The following LYST variants were observed in gnomAD, a reference collection of about 807,000 sequenced individuals.
The protein encoded by LYST is lysosomal trafficking regulator, also known as lysosomal-trafficking regulator.
In LYST, 192 loss-of-function variants were observed where a neutral mutation model predicts 413.6. The ratio of observed to expected loss-of-function variants is 0.46; its 90% CI spans 0.41 to 0.52. The LOEUF is 0.52. Among genes scored for constraint, LYST ranks in the 20% least tolerant of loss-of-function variants. LYST has a pLI of 0.00. For missense variants in LYST, 3,815 were observed against 4,499.9 expected, an observed-to-expected ratio of 0.85 and a Z score of 4.35; for synonymous variants, 1,525 against 1,567.3, an observed-to-expected ratio of 0.97 and a Z score of 0.64.
chr1:235,681,673 T>C (rs1245409908), intron 48 of LYST, among the ~76,000 whole-genome samples: 3 of 152,120 alleles, frequency 2.0e-5, no homozygotes, highest in Admixed American at 2.0e-4. Context: ...CTGCCAAGAA[T>C]TGCTGTGATT....
chr1:235,801,385 TAA>T (rs200307830), intron 8 of LYST, among the ~76,000 whole-genome samples: 1 of 143,508 alleles, frequency 7.0e-6, no homozygotes, highest in African/African-American at 2.5e-5. Context: ...GACACAACTT[TAA>T]AAAAAAAAAA....
At chr1:235,798,578 T>TAAAAAAAAAA (rs71174462) in intron 10 of LYST, among the ~76,000 whole-genome samples, 8 of 81,708 alleles carry the variant, frequency 9.8e-5, no homozygotes, top group South Asian at 5.5e-4. Flanking sequence ...AACCCTGTCA[T>TAAAAAAAAAA]AAAAAAAAAA....
intron 34 of LYST, 45 bp from the exon 35 acceptor site, chr1:235,731,222 A>G (rs1664350555): frequency 6.4e-7 from 1 of 1,566,676 alleles, no homozygotes; most frequent in Admixed American, 1.7e-5. Flanking sequence ...ACCATCCAGG[A>G]CTTGTAGCTA....
chr1:235,835,747 C>A (rs1676504018), intron 1 of LYST, among the ~76,000 whole-genome samples: 1 of 152,064 alleles, frequency 6.6e-6, no homozygotes, highest in African/African-American at 2.4e-5. Flanking sequence ...ATAATGATGC[C>A]CTTAGCCCAT....
intron 39 of LYST, among the ~76,000 whole-genome samples, chr1:235,721,535 G>A (rs1663367295): frequency 6.6e-6 from 1 of 152,116 alleles, no homozygotes; most frequent in Admixed American, 6.5e-5. Flanking sequence ...GACAAGACGA[G>A]CTTTGCTAAA....
rs367834781 is a variant in LYST, at chr1:235,777,092, T to C, written c.5431A>G (p.Thr1811Ala). 3.7e-6 allele frequency: 6 copies of C among 1,613,584 alleles called. No homozygotes were observed. The highest frequency in any genetic ancestry group is 5.1e-6 in the Non-Finnish European group (6 of 1,179,664). ...GCAAAGAGAAAAACAAATATGCCAG[T>C]TCCACCAATTTCGTGCAGAATGCCT... is the stretch of plus-strand genomic sequence containing the variant. ...IQGILHEIGGTGIFVFLFARV... is the reference protein window; with the variant it reads ...IQGILHEIGGAGIFVFLFARV... Residue 1811 changes from threonine (T) to alanine (A), a missense_variant, in exon 17 of 53, where the codon ACT (threonine) becomes GCT (alanine). Thr to Ala is a moderately conservative substitution (Grantham distance 58). Transcript: ENST00000389793.
chr1:235,731,767 A>G (rs2103213017), intron 34 of LYST, among the ~76,000 whole-genome samples: 1 of 152,220 alleles, frequency 6.6e-6, no homozygotes, highest in East Asian at 1.9e-4. Context: ...CATGTCGGCC[A>G]GGCTTGTCTC....
At position 235,664,160 on chromosome 1, in the gene LYST, C is replaced by T. The variant is rs1216230548; in HGVS notation, c.11196-105G>A. 2.1e-6 allele frequency: 2 copies of T among 944,862 alleles called. No individual in the cohort carries two copies. The highest frequency in any genetic ancestry group is 3.4e-6 in the Non-Finnish European group (2 of 580,506). The allele number at this position is 944,862 out of a possible 1,614,324, so 58.5% of individuals were successfully genotyped here. On this transcript the variant is annotated intron_variant, in intron 51 of 52. Coordinates refer to ENST00000389793, the MANE Select transcript of LYST (RefSeq NM_000081.4). This position sits in a 1 kb window ranked among gnomAD's most constrained non-coding sequence, Gnocchi z 4.5. The stretch of plus-strand genomic sequence containing the variant: ...AAAAATCATGTGGAAGGAAATGTAA[C>T]AAACAATTAACAGTAGTTCCCTCTA...
At position 235,836,722 on chromosome 1, in the gene LYST, C is replaced by T. The variant is rs115307118; in HGVS notation, c.-97-3055G>A. Among the ~76,000 whole-genome samples, 1,434 of 152,254 alleles carry T rather than the reference C, an allele frequency of 9.4e-3. 12 individuals carry two copies. The highest frequency in any genetic ancestry group is 0.013 in the Non-Finnish European group (861 of 68,028). ...TTTCTCCCCAAGAATGCAAGTCCCT[C>T]CCAATGCCCACCCAAAAAAGACTAT... is the stretch of plus-strand genomic sequence containing the variant. On this transcript the variant is annotated intron_variant, in intron 1 of 52. Coordinates refer to ENST00000389793, the MANE Select transcript of LYST (RefSeq NM_000081.4).
intron 45 of LYST, among the ~76,000 whole-genome samples, chr1:235,699,727 C>G (rs939663666): frequency 2.0e-5 from 3 of 152,182 alleles, no homozygotes; most frequent in African/African-American, 7.2e-5. Context: ...TCTCCACAGC[C>G]TCACCAGCAT....
chr1:235,719,627 T>TA (rs35578758), intron 40 of LYST, among the ~76,000 whole-genome samples: 64,919 of 136,900 alleles, frequency 0.47, 17,370 homozygotes, highest in East Asian at 0.89. Flanking sequence ...TGCAGAATGA[T>TA]AAAAAAAAAA....
At chr1:235,737,918 T>TGATTAA in intron 31 of LYST, 2 of 1,164,684 alleles carry the variant, frequency 1.7e-6, no homozygotes, top group Non-Finnish European at 2.1e-6. Context: ...TGCCGACGAG[T>TGATTAA]CTGGATCTCA....
intron 1 of LYST, chr1:235,839,865 A>T (rs1174768364): frequency 2.0e-5 from 3 of 152,082 alleles, no homozygotes; most frequent in East Asian, 3.9e-4. Flanking sequence ...AATAAATAAA[A>T]TAAATCATCA....
intron 48 of LYST, 51 bp from the exon 49 acceptor site, chr1:235,677,670 T>G (rs749375615): frequency 5.8e-6 from 8 of 1,385,536 alleles, no homozygotes; most frequent in African/African-American, 1.4e-5. Context: ...AAAAGTACTC[T>G]AGTATAGTAT....
At chr1:235,851,808 A>C (rs1678573422) in intron 1 of LYST, among the ~76,000 whole-genome samples, 1 of 152,134 alleles carries the variant, frequency 6.6e-6, no homozygotes, top group Admixed American at 6.6e-5. Flanking sequence ...TGGAATTTAA[A>C]ATGCAGATCA....
chr1:235,749,743 A>C (rs1666290733), intron 28 of LYST, among the ~76,000 whole-genome samples: 1 of 152,210 alleles, frequency 6.6e-6, no homozygotes, highest in Non-Finnish European at 1.5e-5. Context: ...TAGTGAAAAG[A>C]CTAAAAGTTC....
chr1:235,778,594 G>A (rs1007480651), intron 16 of LYST, among the ~76,000 whole-genome samples: 3 of 151,002 alleles, frequency 2.0e-5, no homozygotes, highest in South Asian at 4.2e-4. Flanking sequence ...GGCTGGTCTC[G>A]AACTGGCTGG....
chr1:235,876,862 C>T (rs1452944036), intron 1 of LYST, among the ~76,000 whole-genome samples: 5 of 152,146 alleles, frequency 3.3e-5, no homozygotes, highest in Admixed American at 1.3e-4. Context: ...TTAGATGGTA[C>T]GAGTTATACG....
At chr1:235,697,775 G>A (rs144035072) in intron 45 of LYST, among the ~76,000 whole-genome samples, 42 of 152,264 alleles carry the variant, frequency 2.8e-4, no homozygotes, top group Non-Finnish European at 3.2e-4. Context: ...AAATAGATAC[G>A]TGATGAGTGA....
Sources: allele counts gnomAD v4.1 joint callset (sites outside exome capture counted in the v4.1 genomes callset), GRCh38; gene constraint gnomAD v4.1.1; non-coding constraint Gnocchi (gnomAD v3.1); transcripts MANE v1.5; gene names NCBI Gene and HGNC (gene_info 2026-07-23, HGNC 2026-07-21).